ATP8B4: variants seen among roughly 807,000 people sequenced by gnomAD.
The protein encoded by ATP8B4 is ATPase phospholipid transporting 8B4 (putative).
Under a neutral mutation model 145.6 loss-of-function variants are expected in ATP8B4, and 133 were observed. That is an observed-to-expected ratio of 0.91 (90% confidence interval 0.79 to 1.05). The LOEUF is 1.05. Ranked by LOEUF, ATP8B4 falls within the 50% of genes least tolerant of loss-of-function variation. The probability of loss-of-function intolerance (pLI) is 0.00; values close to 1 mark genes in which losing one functional copy is unlikely to be tolerated. For missense variants in ATP8B4, 1,458 were observed against 1,425.2 expected, an observed-to-expected ratio of 1.02 and a Z score of -0.37; for synonymous variants, 507 against 492.9, an observed-to-expected ratio of 1.03 and a Z score of -0.38.
intron 14 of ATP8B4, among the ~76,000 whole-genome samples, chr15:49,960,938 C>G (rs777011654): frequency 7.6e-4 from 116 of 152,246 alleles, no homozygotes; most frequent in Admixed American, 1.7e-3. Flanking sequence ...CAAGACCATC[C>G]TGGCTAACAT....
At chr15:49,863,879 T>C (rs2032310186) in intron 26 of ATP8B4, among the ~76,000 whole-genome samples, 1 of 152,182 alleles carries the variant, frequency 6.6e-6, no homozygotes, top group Non-Finnish European at 1.5e-5. Context: ...TGGAGCTCAG[T>C]AATTAATTAC....
chr15:49,966,858 A>C (rs1357930131), intron 13 of ATP8B4, among the ~76,000 whole-genome samples: 1 of 152,100 alleles, frequency 6.6e-6, no homozygotes, highest in Non-Finnish European at 1.5e-5. Context: ...CAGACACCTT[A>C]TATAGGAGAG....
At chr15:50,074,089 C>T (rs1218311481) in intron 3 of ATP8B4, 38 bp downstream of exon 3, 9 of 1,574,128 alleles carry the variant, frequency 5.7e-6, no homozygotes, top group Non-Finnish European at 7.8e-6. Flanking sequence ...TAGGTAAGAC[C>T]TATCCTAGTA....
intron 6 of ATP8B4, among the ~76,000 whole-genome samples, chr15:50,025,331 A>G (rs2049925566): frequency 6.6e-6 from 1 of 152,202 alleles, no homozygotes; most frequent in Admixed American, 6.5e-5. Context: ...CTCTTAATGT[A>G]GCCTTGAAGG....
intron 16 of ATP8B4, among the ~76,000 whole-genome samples, chr15:49,924,010 A>G (rs1486638408): frequency 1.3e-5 from 2 of 151,822 alleles, no homozygotes; most frequent in East Asian, 3.9e-4. Context: ...GGAAAAGTCC[A>G]TTAATTCTTG....
Position 49,955,086 on chromosome 15 carries a change from C to T in ATP8B4, c.1287+6891G>A, listed in dbSNP as rs2043438133. On this transcript the variant is annotated intron_variant, in intron 14 of 27. Coordinates refer to ENST00000284509, the MANE Select transcript of ATP8B4 (RefSeq NM_024837.4). ...AAACGTAGAAACAGAAAACCAAATA[C>T]CACATGTTCTCACTTATAAGTGGAA... is the stretch of plus-strand genomic sequence containing the variant. Among the ~76,000 whole-genome samples, 10 of 152,250 alleles carry T rather than the reference C, an allele frequency of 6.6e-5. 1 individual carries two copies. In the South Asian group the frequency reaches 2.1e-3, roughly 32 times the overall value.
chr15:50,158,247 G>A (rs111533321), intron 1 of ATP8B4, among the ~76,000 whole-genome samples: 83,522 of 149,216 alleles, frequency 0.56, 23,752 homozygotes, highest in East Asian at 0.92. Context: ...CCCTCTGCCC[G>A]GCTGCCCAGT....
At chr15:50,143,597 C>T (rs550691623) in intron 1 of ATP8B4, among the ~76,000 whole-genome samples, 3 of 152,248 alleles carry the variant, frequency 2.0e-5, no homozygotes, top group East Asian at 1.9e-4. Context: ...ACAGAGTCAG[C>T]CGTGATTCAG....
chr15:49,923,486 G>T lies in ATP8B4; in HGVS notation c.1651C>A (p.Pro551Thr). ...GAATAAAGCTTTATCTGTCCTTCTG[G>T]GTTTCGAACTGAAAAGAAAAAAGTT... ...RKRMSVIVRN[P>T]EGQIKLYSKG... Residue 551 changes from proline (P) to threonine (T), a missense_variant, in exon 17 of 28, where the codon CCA (proline) becomes ACA (threonine). By Grantham distance (38) the Pro-to-Thr change is conservative. Transcript: ENST00000284509. 1 of 1,591,614 alleles carries T rather than the reference G, an allele frequency of 6.3e-7. No individual in the cohort carries two copies. The highest frequency in any genetic ancestry group is 8.5e-7 in the Non-Finnish European group (1 of 1,171,488).
Position 49,984,916 on chromosome 15 carries a change from T to C in ATP8B4, c.748+2475A>G, listed in dbSNP as rs545296371. ...CCCTCAGAAACAAGATTTTCTCCTCTCTTGAGCATAAAGAAGGCATTACCA... is the reference window on the plus strand; with the variant it reads ...CCCTCAGAAACAAGATTTTCTCCTCCCTTGAGCATAAAGAAGGCATTACCA... On this transcript the variant is annotated intron_variant, in intron 10 of 27. Transcript: ENST00000284509. Among the ~76,000 whole-genome samples the C allele has an allele frequency of 4.6e-5, 7 of 152,240 alleles. No homozygotes were observed. The East Asian group carries it at 1.3e-3, about 29-fold the overall frequency.
intron 2 of ATP8B4, among the ~76,000 whole-genome samples, chr15:50,081,749 C>T (rs558217558): frequency 1.1e-4 from 16 of 152,338 alleles, no homozygotes; most frequent in African/African-American, 3.6e-4. Context: ...GACCCACGAG[C>T]GATCACAGCA....
chr15:49,961,853 A>G, intron 14 of ATP8B4, 124 bp downstream of exon 14: 7 of 748,912 alleles, frequency 9.3e-6, no homozygotes, highest in Non-Finnish European at 1.5e-5. Context: ...CTATTTTTTA[A>G]TGCTATGCAT....
intron 6 of ATP8B4, among the ~76,000 whole-genome samples, chr15:50,026,467 A>T (rs2050014149): frequency 6.6e-6 from 1 of 152,312 alleles, no homozygotes; most frequent in Middle Eastern, 3.4e-3. Context: ...CTCAGACCTC[A>T]TGTGCAGAAG....
At chr15:50,176,617 T>A (rs1441727644) in intron 1 of ATP8B4, among the ~76,000 whole-genome samples, 1 of 152,044 alleles carries the variant, frequency 6.6e-6, no homozygotes, top group African/African-American at 2.4e-5. Flanking sequence ...GTATGTGTGT[T>A]GCAGTGGGAT....
chr15:49,930,555 A>C (rs35282143), intron 16 of ATP8B4, among the ~76,000 whole-genome samples: 35,038 of 151,956 alleles, frequency 0.23, 5,003 homozygotes, highest in Non-Finnish European at 0.31. Context: ...AAAATGAATG[A>C]TAATGAGGAG....
Position 49,922,683 on chromosome 15 carries a change from T to C in ATP8B4, c.1758+696A>G, listed in dbSNP as rs74485179. Among the ~76,000 whole-genome samples the C allele has an allele frequency of 3.9e-3, 589 of 152,228 alleles. 8 individuals are homozygous for C. Among genetic ancestry groups the C allele is most frequent in the African/African-American group, 0.014 (573 of 41,542 alleles). On this transcript the variant is annotated intron_variant, in intron 17 of 27. Transcript: ENST00000284509. Reference sequence around the variant, plus strand: ...GCCCTTAAATGGAACCATAGGCAAATATTTGAGACACACTTGAATCTCAGG... The same window carrying C: ...GCCCTTAAATGGAACCATAGGCAAACATTTGAGACACACTTGAATCTCAGG...
Position 50,086,496 on chromosome 15 carries a change from T to TA in ATP8B4, c.29-12312dup, listed in dbSNP as rs1228238992. ...TATAATAAAATAATATAGAGATCTA[T>TA]ATTTAATTATATATAATAAATATAG... On this transcript the variant is annotated intron_variant, in intron 2 of 27. Coordinates refer to ENST00000284509, the MANE Select transcript of ATP8B4 (RefSeq NM_024837.4). 1.1e-4 allele frequency among the ~76,000 whole-genome samples: 8 copies of TA among 76,056 alleles called. 2 individuals are homozygous for TA. The highest frequency in any genetic ancestry group is 1.7e-4 in the Non-Finnish European group (8 of 47,194). 49.9% of individuals were successfully genotyped at this position (76,056 alleles called of 152,430 possible).
intron 2 of ATP8B4, among the ~76,000 whole-genome samples, chr15:50,085,937 T>A (rs12904529): frequency 2.5e-3 from 181 of 71,530 alleles, no homozygotes; most frequent in African/African-American, 4.4e-3. Context: ...TCATATATAT[T>A]TATATATGAT....
intron 3 of ATP8B4, among the ~76,000 whole-genome samples, chr15:50,052,217 T>C (rs2052242108): frequency 6.6e-6 from 1 of 152,186 alleles, no homozygotes; most frequent in African/African-American, 2.4e-5. Flanking sequence ...CATTCCATAA[T>C]AAGGCACAGA....
Sources: allele counts gnomAD v4.1 joint callset (sites outside exome capture counted in the v4.1 genomes callset), GRCh38; gene constraint gnomAD v4.1.1; transcripts MANE v1.5; gene names NCBI Gene and HGNC (gene_info 2026-07-23, HGNC 2026-07-21).